Variants in IMMP2L observed in about 807,000 individuals in gnomAD.
The protein encoded by IMMP2L is mitochondrial inner membrane protease subunit 2.
A neutral mutation model predicts 19.3 loss-of-function variants in IMMP2L; 18 were observed. That is an observed-to-expected ratio of 0.93 (90% CI 0.64 to 1.38). IMMP2L has a LOEUF of 1.38. Among genes scored for constraint, IMMP2L ranks in the 40% most tolerant of loss-of-function variants. The pLI, the probability that IMMP2L is intolerant of heterozygous loss-of-function variation, is 0.00. For synonymous variants in IMMP2L, 76 were observed against 73.0 expected, an observed-to-expected ratio of 1.04 and a Z score of -0.21; for missense variants, 233 against 218.2, an observed-to-expected ratio of 1.07 and a Z score of -0.43.
chr7:110,780,369 T>G lies in IMMP2L; in HGVS notation c.408+106224A>C, dbSNP rs80185893. ...GTTTACACTGGTGCTGAAAAGAAAG[T>G]TGAGAATTCACCACTGGCAAGCATA... On this transcript the variant is annotated intron_variant, in intron 5 of 5. Transcript: ENST00000405709. 4.0e-4 allele frequency among the ~76,000 whole-genome samples: 60 copies of G among 151,482 alleles called. 1 individual carries two copies. The East Asian group carries it at 0.012, about 29-fold the overall frequency.
chr7:110,699,185 C>T (rs1226350255), intron 5 of IMMP2L, among the ~76,000 whole-genome samples: 1 of 152,306 alleles, frequency 6.6e-6, no homozygotes, highest in Non-Finnish European at 1.5e-5. Context: ...AAGCTTCTCT[C>T]AGTTGTGTTC....
At chr7:110,885,653 C>T (rs1443056290) in intron 5 of IMMP2L, among the ~76,000 whole-genome samples, 3 of 151,954 alleles carry the variant, frequency 2.0e-5, no homozygotes, top group African/African-American at 4.8e-5. Context: ...CTACTTATAA[C>T]GGGTGACAGA....
chr7:110,833,455 A>G (rs971782805), intron 5 of IMMP2L, among the ~76,000 whole-genome samples: 10 of 131,634 alleles, frequency 7.6e-5, no homozygotes, highest in African/African-American at 1.1e-4. Flanking sequence ...AAAAAAAAAA[A>G]AGAGAGAGAG....
rs535839233 is a variant in IMMP2L, at chr7:111,020,484, G to A, written c.240-56919C>T. ...GCACATTAAATTGGAGTTGTTGGCC[G>A]GGCAGGGTGGCTCACGCCTGTAATC... is the stretch of plus-strand genomic sequence containing the variant. On this transcript the variant is annotated intron_variant, in intron 3 of 5. Transcript: ENST00000405709. 3.3e-5 allele frequency among the ~76,000 whole-genome samples: 5 copies of A among 149,698 alleles called. No homozygotes were observed. The South Asian group carries it at 6.4e-4, about 19-fold the overall frequency.
Position 110,727,670 on chromosome 7 carries a change from T to A in IMMP2L, c.409-63949A>T, listed in dbSNP as rs776849321. 3.9e-5 allele frequency among the ~76,000 whole-genome samples: 6 copies of A among 152,168 alleles called. No homozygotes were observed. The highest frequency in any genetic ancestry group is 7.3e-5 in the Non-Finnish European group (5 of 68,044). On this transcript the variant is annotated intron_variant, in intron 5 of 5. Coordinates refer to ENST00000405709, the MANE Select transcript of IMMP2L (RefSeq NM_032549.4). This position sits in a 1 kb window ranked among gnomAD's most constrained non-coding sequence, Gnocchi z 4.3. ...AGAGAAGCTTTAACTTTAAAAAATA[T>A]TAGAATATTAAATATAACATGAGCT... is the stretch of plus-strand genomic sequence containing the variant.
chr7:111,194,408 G>C (rs909889325), intron 3 of IMMP2L, among the ~76,000 whole-genome samples: 1 of 152,158 alleles, frequency 6.6e-6, no homozygotes, highest in African/African-American at 2.4e-5. Flanking sequence ...CTCTGAGAAA[G>C]ATTCCTGAGA....
intron 3 of IMMP2L, among the ~76,000 whole-genome samples, chr7:110,985,230 T>C (rs1282260848): frequency 6.6e-6 from 1 of 152,126 alleles, no homozygotes; most frequent in African/African-American, 2.4e-5. Flanking sequence ...TACAGAACTA[T>C]AACATAATAA....
At chr7:111,367,882 A>G (rs555185156) in intron 3 of IMMP2L, among the ~76,000 whole-genome samples, 1 of 152,048 alleles carries the variant, frequency 6.6e-6, no homozygotes, top group African/African-American at 2.4e-5. Flanking sequence ...TAAGCAATAG[A>G]TGATAGCTAT....
At chr7:110,912,655 T>C (rs1205955649) in intron 4 of IMMP2L, among the ~76,000 whole-genome samples, 1 of 152,054 alleles carries the variant, frequency 6.6e-6, no homozygotes, top group African/African-American at 2.4e-5. Flanking sequence ...CTGATCTTTA[T>C]AAAATTCAGT....
intron 3 of IMMP2L, among the ~76,000 whole-genome samples, chr7:111,303,714 G>A (rs1584528090): frequency 6.6e-6 from 1 of 152,020 alleles, no homozygotes; most frequent in East Asian, 1.9e-4. Flanking sequence ...CCAAAGATAT[G>A]GGCTTCACAC....
At chr7:111,173,205 T>C (rs1806648925) in intron 3 of IMMP2L, among the ~76,000 whole-genome samples, 1 of 151,632 alleles carries the variant, frequency 6.6e-6, no homozygotes, top group Admixed American at 6.6e-5. Flanking sequence ...TTTTCAAAAT[T>C]TAACATTATT....
chr7:110,907,522 G>A (rs1025379275), intron 4 of IMMP2L, among the ~76,000 whole-genome samples: 1 of 147,750 alleles, frequency 6.8e-6, no homozygotes, highest in Non-Finnish European at 1.5e-5. Flanking sequence ...CGGGCCATGG[G>A]TGGTTTTGGA....
intron 5 of IMMP2L, among the ~76,000 whole-genome samples, chr7:110,829,872 C>A (rs1417762853): frequency 1.3e-5 from 2 of 152,032 alleles, no homozygotes; most frequent in Non-Finnish European, 2.9e-5. Flanking sequence ...TGTGGGAGGC[C>A]TCCCAAGTTT....
intron 3 of IMMP2L, chr7:111,124,741 G>A (rs1203998689): frequency 6.2e-7 from 1 of 1,613,752 alleles, no homozygotes; most frequent in East Asian, 2.2e-5. Flanking sequence ...GAACTGTGAT[G>A]GTGGACACAG....
intron 3 of IMMP2L, among the ~76,000 whole-genome samples, chr7:111,237,602 ATAATT>A (rs1418726146): frequency 1.3e-5 from 2 of 152,008 alleles, no homozygotes; most frequent in Non-Finnish European, 2.9e-5. Flanking sequence ...TTAAGCAAAA[ATAATT>A]TAAAATAAAG....
intron 5 of IMMP2L, among the ~76,000 whole-genome samples, chr7:110,809,607 A>G (rs1487951530): frequency 2.0e-5 from 3 of 151,992 alleles, no homozygotes; most frequent in Admixed American, 6.6e-5. Flanking sequence ...AGGTAATATT[A>G]CTTTATGTAA....
At chr7:111,331,819 G>C (rs774438087) in intron 3 of IMMP2L, among the ~76,000 whole-genome samples, 2 of 151,816 alleles carry the variant, frequency 1.3e-5, no homozygotes, top group African/African-American at 2.4e-5. Flanking sequence ...GAGTATCCAA[G>C]CTATAAAAAA....
chr7:111,180,479 C>T (rs1198374558), intron 3 of IMMP2L, among the ~76,000 whole-genome samples: 1 of 151,958 alleles, frequency 6.6e-6, no homozygotes, highest in Non-Finnish European at 1.5e-5. Flanking sequence ...TGCCCTGAAA[C>T]AGTTACAACA....
chr7:111,298,406 A>G (rs1454843186), intron 3 of IMMP2L, among the ~76,000 whole-genome samples: 1 of 152,160 alleles, frequency 6.6e-6, no homozygotes, highest in Non-Finnish European at 1.5e-5. Flanking sequence ...AGCTTAAAAC[A>G]GTGTCTGGGA....
Sources: allele counts gnomAD v4.1 joint callset (sites outside exome capture counted in the v4.1 genomes callset), GRCh38; gene constraint gnomAD v4.1.1; non-coding constraint Gnocchi (gnomAD v3.1); transcripts MANE v1.5; gene names NCBI Gene and HGNC (gene_info 2026-07-23, HGNC 2026-07-21).